CLTCL1: variants seen among roughly 807,000 people sequenced by gnomAD.
The protein encoded by CLTCL1 is clathrin heavy chain 2.
CLTCL1 carries 159 observed loss-of-function variants against 190.0 expected under a neutral mutation model. The observed-to-expected ratio is 0.84, with a 90% CI of 0.74 to 0.95. The LOEUF is 0.95. Ranked by LOEUF, CLTCL1 falls within the 40% of genes least tolerant of loss-of-function variation. CLTCL1 has a pLI of 0.00. For synonymous variants in CLTCL1, 752 were observed against 769.6 expected, an observed-to-expected ratio of 0.98 and a Z score of 0.38; for missense variants, 1,878 against 2,033.4, an observed-to-expected ratio of 0.92 and a Z score of 1.47.
intron 2 of CLTCL1, 85 bp downstream of exon 2, chr22:19,275,538 G>A (rs2087471069): frequency 1.5e-6 from 2 of 1,370,426 alleles, no homozygotes; most frequent in Non-Finnish European, 2.0e-6. Flanking sequence ...TTCGCCATGA[G>A]CTTAGTGACA....
chr22:19,243,212 G>C (rs926853417), intron 3 of CLTCL1, among the ~76,000 whole-genome samples: 1 of 152,158 alleles, frequency 6.6e-6, no homozygotes, highest in African/African-American at 2.4e-5. Flanking sequence ...TTCATGGAAA[G>C]TAACTCGTGC....
chr22:19,227,358 C>G (rs2085780670), intron 11 of CLTCL1, among the ~76,000 whole-genome samples: 1 of 149,638 alleles, frequency 6.7e-6, no homozygotes, highest in Non-Finnish European at 1.5e-5. Context: ...TCTCGGCTCA[C>G]TGCTGCTTTG....
rs545940308 is a variant in CLTCL1, at chr22:19,268,226, C to T, written c.250+7397G>A. ...CCTCCAGAGGATGCAGCAACAGGGG[C>T]CATCTTGGAAGTGGAGTGTGAACCC... On this transcript the variant is annotated intron_variant, in intron 2 of 32. Transcript: ENST00000427926. 2.6e-5 allele frequency among the ~76,000 whole-genome samples: 4 copies of T among 152,250 alleles called. No homozygotes were observed. In the South Asian group the frequency reaches 8.3e-4, roughly 32 times the overall value.
chr22:19,201,931 G>A (rs1368601121), intron 22 of CLTCL1, among the ~76,000 whole-genome samples: 1 of 152,024 alleles, frequency 6.6e-6, no homozygotes, highest in African/African-American at 2.4e-5. Context: ...CAATTTATTT[G>A]ACTTCCTATG....
chr22:19,270,941 T>C (rs567503648), intron 2 of CLTCL1, among the ~76,000 whole-genome samples: 13 of 152,068 alleles, frequency 8.5e-5, no homozygotes, highest in Non-Finnish European at 1.6e-4. Context: ...TAGCCTGGTT[T>C]AAATGAACAT....
chr22:19,217,615 C>CAAAAAAAA (rs71184793), intron 18 of CLTCL1, among the ~76,000 whole-genome samples: 1 of 34,770 alleles, frequency 2.9e-5, no homozygotes, highest in Non-Finnish European at 5.6e-5. Flanking sequence ...GACTCTGTCT[C>CAAAAAAAA]AAAAAAAAAA....
At chr22:19,184,571 G>A (rs1555927438) in intron 29 of CLTCL1, 2 of 456,036 alleles carry the variant, frequency 4.4e-6, no homozygotes, top group Non-Finnish European at 8.8e-6. Context: ...CCTCAGGTGA[G>A]AGCTCCAGGT....
At chr22:19,243,433 C>T (rs2145966169) in intron 3 of CLTCL1, among the ~76,000 whole-genome samples, 1 of 152,242 alleles carries the variant, frequency 6.6e-6, no homozygotes, top group South Asian at 2.1e-4. Context: ...GTCTGGGCAA[C>T]ATAGCAAGAC....
chr22:19,211,230 T>C (rs1369465463), intron 19 of CLTCL1, among the ~76,000 whole-genome samples: 1 of 151,904 alleles, frequency 6.6e-6, no homozygotes, highest in Non-Finnish European at 1.5e-5. Flanking sequence ...TGAGAAAAAC[T>C]CTCAACTAGA....
rs782077871 is a variant in CLTCL1 at position 19,221,966 on chromosome 22, A to C, written c.2546T>G (p.Val849Gly). ...QFSTDELVAE[V>G]EKRNRLKLLL... Reference sequence around the variant, plus strand: ...GACACCTTACCTATTTCTTTTTTCTACTTCAGCCACCAACTCATCAGTAGA... The same window carrying C: ...GACACCTTACCTATTTCTTTTTTCTCCTTCAGCCACCAACTCATCAGTAGA... The change falls in exon 16 of 33, where the codon GTA (valine) becomes GGA (glycine). Residue 849 changes from valine (V) to glycine (G), a missense_variant. Physicochemically the swap from Val to Gly is moderately radical, Grantham distance 109 (BLOSUM62 -3). Coordinates refer to ENST00000427926, the MANE Select transcript of CLTCL1 (RefSeq NM_007098.4). 1 of 1,613,686 alleles carries C rather than the reference A, an allele frequency of 6.2e-7. No homozygotes were observed. The highest frequency in any genetic ancestry group is 1.1e-5 in the South Asian group (1 of 91,044).
At chr22:19,282,229 T>TGAGGCAGGAGAATTGCTTC (rs1428365015) in intron 1 of CLTCL1, among the ~76,000 whole-genome samples, 3 of 150,118 alleles carry the variant, frequency 2.0e-5, no homozygotes, top group Non-Finnish European at 4.4e-5. Flanking sequence ...CTCGGGAGGC[T>TGAGGCAGGAGAATTGCTTC]GAGGCAGGAG....
chr22:19,277,105 A>C (rs2087542597), intron 1 of CLTCL1, among the ~76,000 whole-genome samples: 1 of 152,206 alleles, frequency 6.6e-6, no homozygotes, highest in Non-Finnish European at 1.5e-5. Context: ...CCGCTGCATT[A>C]AAATTGCACC....
intron 18 of CLTCL1, 112 bp from the exon 19 acceptor site, chr22:19,216,368 G>A: frequency 1.1e-6 from 1 of 901,138 alleles, no homozygotes; most frequent in Non-Finnish European, 1.7e-6. Context: ...TAGACACAGA[G>A]AAAATGGGAG....
At chr22:19,229,065 T>C (rs2085841539) in intron 11 of CLTCL1, among the ~76,000 whole-genome samples, 1 of 152,198 alleles carries the variant, frequency 6.6e-6, no homozygotes, top group African/African-American at 2.4e-5. Flanking sequence ...CTGTAGGACA[T>C]GATCCAGCAA....
At chr22:19,232,910 C>T in intron 9 of CLTCL1, 2 of 558,250 alleles carry the variant, frequency 3.6e-6, no homozygotes, top group Non-Finnish European at 6.2e-6. Flanking sequence ...AATTAACATA[C>T]AGAAGGAAGA....
chr22:19,235,290 C>G (rs2086045497), intron 6 of CLTCL1, among the ~76,000 whole-genome samples: 1 of 152,196 alleles, frequency 6.6e-6, no homozygotes, highest in Non-Finnish European at 1.5e-5. Flanking sequence ...CTGCCTCAAC[C>G]TCCCATGCAG....
chr22:19,230,264 C>A (rs1177355103), intron 10 of CLTCL1, among the ~76,000 whole-genome samples: 3 of 152,006 alleles, frequency 2.0e-5, no homozygotes, highest in African/African-American at 7.3e-5. Flanking sequence ...TCACCACACC[C>A]AGCTAATTTT....
rs538118296 is a variant in CLTCL1, at chr22:19,228,261, C to T, written c.1782+1577G>A. 5.3e-5 allele frequency among the ~76,000 whole-genome samples: 8 copies of T among 152,284 alleles called. No individual in the cohort carries two copies. In the South Asian group the frequency reaches 1.7e-3, roughly 32 times the overall value. The stretch of plus-strand genomic sequence containing the variant: ...TTTACTTCTTGTTTTCAAACATTTT[C>T]TCCTCATAGCAACAGTGTATTTTAT... On this transcript the variant is annotated intron_variant, in intron 11 of 32. Coordinates refer to ENST00000427926, the MANE Select transcript of CLTCL1 (RefSeq NM_007098.4).
At chr22:19,240,323 A>T (rs1302264275) in intron 4 of CLTCL1, among the ~76,000 whole-genome samples, 3 of 152,174 alleles carry the variant, frequency 2.0e-5, no homozygotes, top group East Asian at 3.9e-4. Flanking sequence ...ACAAAATCCA[A>T]AATGAAGGGT....
Sources: gnomAD v4.1 joint callset for allele counts (sites outside exome capture counted in the v4.1 genomes callset) on GRCh38, gnomAD v4.1.1 for gene constraint, MANE v1.5 for transcripts, NCBI Gene and HGNC (gene_info 2026-07-23, HGNC 2026-07-21) for gene names.